The following ZNF644 variants were observed in gnomAD, a reference collection of about 807,000 sequenced individuals.
The protein encoded by ZNF644 is zinc finger protein 644.
ZNF644 carries 20 observed loss-of-function variants against 108.0 expected under a neutral mutation model. The ratio of observed to expected loss-of-function variants is 0.19; its 90% confidence interval spans 0.13 to 0.27. The LOEUF (loss-of-function observed/expected upper bound fraction) is 0.27. Ranked by LOEUF, ZNF644 falls within the 10% of genes least tolerant of loss-of-function variation. The pLI is 1.00. For missense variants in ZNF644, 1,338 were observed against 1,548.9 expected, an observed-to-expected ratio of 0.86 and a Z score of 2.29; for synonymous variants, 542 against 539.1, an observed-to-expected ratio of 1.01 and a Z score of -0.08.
At chr1:91,002,257 C>T (rs1370419567) in intron 1 of ZNF644, among the ~76,000 whole-genome samples, 2 of 152,178 alleles carry the variant, frequency 1.3e-5, no homozygotes, top group Non-Finnish European at 2.9e-5. Flanking sequence ...CTGGAGGCAT[C>T]ACGCTACCTG....
intron 4 of ZNF644, among the ~76,000 whole-genome samples, chr1:90,928,253 A>G (rs1432715453): frequency 1.2e-4 from 18 of 150,822 alleles, no homozygotes; most frequent in Non-Finnish European, 2.7e-4. Context: ...CCCAGGTTCA[A>G]GCAATTCTCC....
rs77799085 is a variant in ZNF644, at chr1:90,991,930, A to G, written c.-17-9560T>C. The stretch of plus-strand genomic sequence containing the variant: ...AACACTAGCGGAAAAATGTCCACCA[A>G]CAGGTGAATCCTCACATTAAACACC... On this transcript the variant is annotated intron_variant, in intron 1 of 5. Coordinates refer to ENST00000337393, the MANE Select transcript of ZNF644 (RefSeq NM_201269.3). Among the ~76,000 whole-genome samples the G allele has an allele frequency of 9.6e-4, 146 of 152,348 alleles. 2 individuals are homozygous for G. In the East Asian group the frequency reaches 0.024, roughly 25 times the overall value.
In ZNF644 at chr1:91,001,932, C is replaced by T. The variant is rs536462318; in HGVS notation, c.-17-19562G>A. Among the ~76,000 whole-genome samples the T allele has an allele frequency of 5.1e-3, 783 of 152,250 alleles. 3 individuals carry two copies. The highest frequency in any genetic ancestry group is 8.6e-3 in the Non-Finnish European group (584 of 68,018). The stretch of plus-strand genomic sequence containing the variant: ...ATGAGTGAACTCCCATTCACAATTG[C>T]TTCAAAGAGAATAAAATACCTAGGA... On this transcript the variant is annotated intron_variant, in intron 1 of 5. Coordinates refer to ENST00000337393, the MANE Select transcript of ZNF644 (RefSeq NM_201269.3).
intron 2 of ZNF644, among the ~76,000 whole-genome samples, chr1:90,962,942 A>G (rs1043269046): frequency 6.6e-6 from 1 of 152,168 alleles, no homozygotes; most frequent in Non-Finnish European, 1.5e-5. Context: ...AGAGCAAACA[A>G]TGATAAAATG....
In ZNF644 at chr1:90,982,251, A is replaced by AT. The variant is rs1176662697; in HGVS notation, c.44+58dup. 1.4e-5 allele frequency: 20 copies of AT among 1,413,400 alleles called. 1 individual carries two copies. In the Admixed American group the frequency reaches 2.2e-4, roughly 16 times the overall value. 87.6% of individuals were successfully genotyped at this position (1,413,400 alleles called of 1,614,324 possible). A position where few individuals can be genotyped will look rare whatever the true frequency, so the allele number is the denominator to read the frequency against. On this transcript the variant is annotated intron_variant, in intron 2 of 5. Coordinates refer to ENST00000337393, the MANE Select transcript of ZNF644 (RefSeq NM_201269.3). ...CTCAACACCACATTTTTAAGACATA[A>AT]TTTTTTTGTATTATTCCTACCTTGA...
At chr1:90,964,835 T>C (rs995931856) in intron 2 of ZNF644, among the ~76,000 whole-genome samples, 13 of 152,190 alleles carry the variant, frequency 8.5e-5, no homozygotes, top group African/African-American at 4.8e-5. Flanking sequence ...TATCTTGTGA[T>C]AGTATTTAGT....
intron 2 of ZNF644, among the ~76,000 whole-genome samples, chr1:90,941,917 G>T (rs578097177): frequency 1.3e-5 from 2 of 152,184 alleles, no homozygotes; most frequent in Admixed American, 1.3e-4. Context: ...AGACTGCTTT[G>T]CTCTCAAGAT....
intron 2 of ZNF644, among the ~76,000 whole-genome samples, chr1:90,975,868 C>T (rs1244926127): frequency 6.6e-6 from 1 of 152,174 alleles, no homozygotes; most frequent in Non-Finnish European, 1.5e-5. Context: ...ATTTCTGAAT[C>T]TCTTACCCTT....
Position 90,982,322 on chromosome 1 carries a change from T to C in ZNF644, c.32A>G (p.Lys11Arg), listed in dbSNP as rs1374298480. 1 of 1,610,402 alleles carries C rather than the reference T, an allele frequency of 6.2e-7. No homozygotes were observed. The highest frequency in any genetic ancestry group is 1.1e-5 in the South Asian group (1 of 91,028). ...GTCTTCTACTTACCTAGATTTTGTC[T>C]TATTAACATCTTGCTGCAAGAACGA... MRSFLQQDVNKTKSRLNVLNG... is the reference protein window; with the variant it reads MRSFLQQDVNRTKSRLNVLNG... The change falls in exon 2 of 6, where the codon AAG (lysine) becomes AGG (arginine). Residue 11 changes from lysine (K) to arginine (R), a missense_variant. By Grantham distance (26) the Lys-to-Arg change is conservative. This residue lies in a region of ZNF644 where 464 missense variants were observed against 457.9 expected (regional missense o/e 1.01). Coordinates refer to ENST00000337393, the MANE Select transcript of ZNF644 (RefSeq NM_201269.3).
intron 1 of ZNF644, among the ~76,000 whole-genome samples, chr1:91,012,039 T>G (rs1230845711): frequency 6.6e-6 from 1 of 151,908 alleles, no homozygotes; most frequent in Non-Finnish European, 1.5e-5. Context: ...AAATATCAAG[T>G]CATAAAACTA....
chr1:91,002,506 T>C (rs1658952243), intron 1 of ZNF644, among the ~76,000 whole-genome samples: 1 of 152,192 alleles, frequency 6.6e-6, no homozygotes, highest in Admixed American at 6.5e-5. Context: ...ATCCCTTCCT[T>C]ACACCTTATA....
At chr1:90,981,485 T>C (rs1656546347) in intron 2 of ZNF644, among the ~76,000 whole-genome samples, 1 of 151,854 alleles carries the variant, frequency 6.6e-6, no homozygotes, top group Non-Finnish European at 1.5e-5. Flanking sequence ...ACTTTTTTTT[T>C]CTTTAACAAA....
chr1:90,957,576 C>T (rs1309906342), intron 2 of ZNF644, among the ~76,000 whole-genome samples: 3 of 152,096 alleles, frequency 2.0e-5, no homozygotes, highest in Non-Finnish European at 4.4e-5. Flanking sequence ...CAAAATTCAA[C>T]ACTGTTTCAT....
chr1:90,968,395 A>G (rs574925736), intron 2 of ZNF644, among the ~76,000 whole-genome samples: 1 of 152,298 alleles, frequency 6.6e-6, no homozygotes, highest in African/African-American at 2.4e-5. Flanking sequence ...ATTTGCTTTT[A>G]AACTGTATAT....
chr1:90,997,729 C>T (rs1037193383), intron 1 of ZNF644, among the ~76,000 whole-genome samples: 7 of 152,106 alleles, frequency 4.6e-5, no homozygotes, highest in African/African-American at 1.2e-4. Context: ...AAGCATGAGC[C>T]GAAGCAGGGC....
Position 90,940,642 on chromosome 1 carries a change from C to T in ZNF644, c.712G>A (p.Val238Ile), listed in dbSNP as rs1335605073. The change falls in exon 3 of 6, where the codon GTC (valine) becomes ATC (isoleucine). Residue 238 changes from valine to isoleucine, a missense_variant. This residue lies in a region of ZNF644 where 464 missense variants were observed against 457.9 expected (regional missense o/e 1.01). Transcript: ENST00000337393. Reference protein sequence around the residue: ...GEDLLVKDDCVNTVTGISSGT... With the variant: ...GEDLLVKDDCINTVTGISSGT... ...GAGGAAATTCCCGTTACTGTATTGACACAATCATCTTTCACCAATAAATCT... is the reference window on the plus strand; with the variant it reads ...GAGGAAATTCCCGTTACTGTATTGATACAATCATCTTTCACCAATAAATCT... 2 of 1,613,882 alleles carry T rather than the reference C, an allele frequency of 1.2e-6. No individual in the cohort carries two copies. Among genetic ancestry groups the T allele is most frequent in the Non-Finnish European group, 1.7e-6 (2 of 1,179,976 alleles).
intron 1 of ZNF644, among the ~76,000 whole-genome samples, chr1:91,001,792 G>C (rs1258458595): frequency 6.6e-6 from 1 of 152,152 alleles, no homozygotes; most frequent in African/African-American, 2.4e-5. Flanking sequence ...AAACCTCATC[G>C]TCTCTGCCCA....
intron 1 of ZNF644, among the ~76,000 whole-genome samples, chr1:90,999,065 G>C (rs1016504484): frequency 2.0e-5 from 3 of 152,194 alleles, no homozygotes; most frequent in Non-Finnish European, 2.9e-5. Flanking sequence ...ATCTACGCCT[G>C]ATTGGTGTAC....
intron 4 of ZNF644, among the ~76,000 whole-genome samples, chr1:90,921,602 T>C (rs1478246863): frequency 6.6e-6 from 1 of 151,996 alleles, no homozygotes; most frequent in Non-Finnish European, 1.5e-5. Flanking sequence ...TACTATTCGG[T>C]GGGCAGAAAC....
Sources: allele counts gnomAD v4.1 joint callset (sites outside exome capture counted in the v4.1 genomes callset), GRCh38; gene constraint gnomAD v4.1.1; regional missense constraint gnomAD v4.1.1; transcripts MANE v1.5; gene names NCBI Gene and HGNC (gene_info 2026-07-23, HGNC 2026-07-21).